Variants in DDX1 observed in about 807,000 individuals in gnomAD.
DDX1 encodes the protein DEAD-box helicase 1, also known as ATP-dependent RNA helicase DDX1.
A neutral mutation model predicts 108.7 loss-of-function variants in DDX1; 28 were observed. The ratio of observed to expected loss-of-function variants is 0.26; its 90% confidence interval spans 0.19 to 0.35. DDX1 has a LOEUF of 0.35. Among genes scored for constraint, DDX1 ranks in the 10% least tolerant of loss-of-function variants. The pLI is 1.00. For missense variants in DDX1, 710 were observed against 884.5 expected, an observed-to-expected ratio of 0.80 and a Z score of 2.50; for synonymous variants, 295 against 288.9, an observed-to-expected ratio of 1.02 and a Z score of -0.21.
chr2:15,612,787 T>G (rs1665798281), intron 13 of DDX1, among the ~76,000 whole-genome samples: 2 of 152,208 alleles, frequency 1.3e-5, no homozygotes, highest in South Asian at 4.1e-4. Flanking sequence ...GGCGGATCAC[T>G]CGCGGTTAGG....
chr2:15,615,460 C>T lies in DDX1; in HGVS notation c.1018-1784C>T, dbSNP rs79990123. 7.3e-3 allele frequency among the ~76,000 whole-genome samples: 1,107 copies of T among 152,332 alleles called. 14 individuals carry two copies. The highest frequency in any genetic ancestry group is 0.025 in the African/African-American group (1,057 of 41,566). On this transcript the variant is annotated intron_variant, in intron 14 of 25. Coordinates refer to ENST00000233084, the MANE Select transcript of DDX1 (RefSeq NM_004939.3). ...ATTTTGTTCACTGCTGTGTACAGCA[C>T]CTGTCTCAGTGTTTGGCACATAGTA...
At position 15,598,273 on chromosome 2, in the gene DDX1, T is replaced by TGTATAATGTATAATGTAGAATTTA. The variant is rs1665533257; in HGVS notation, c.259+802_259+803insGTATAATGTATAATGTAGAATTTA. Among the ~76,000 whole-genome samples, 3 of 152,186 alleles carry TGTATAATGTATAATGTAGAATTTA rather than the reference T, an allele frequency of 2.0e-5. 1 individual carries two copies. In the South Asian group the frequency reaches 6.2e-4, roughly 32 times the overall value. ...TATACATAAAATGTATAATGTAGAATCTGTGAACTCATGTAAATTAGAGAT... is the reference window on the plus strand; with the variant it reads ...TATACATAAAATGTATAATGTAGAATGTATAATGTATAATGTAGAATTTACTGTGAACTCATGTAAATTAGAGAT... On this transcript the variant is annotated intron_variant, in intron 5 of 25. Transcript: ENST00000233084.
chr2:15,596,795 A>G (rs369939381), intron 4 of DDX1, 32 bp downstream of exon 4: 267 of 1,553,584 alleles, frequency 1.7e-4, no homozygotes, highest in Non-Finnish European at 7.3e-5. Flanking sequence ...CTTTCTCTCT[A>G]AAAGTTGAAT....
chr2:15,599,519 G>T, intron 5 of DDX1, 150 bp from the exon 6 acceptor site: 2 of 454,802 alleles, frequency 4.4e-6, no homozygotes, highest in South Asian at 4.3e-5. Context: ...CACCACGTTG[G>T]CCAGGCTGGT....
At chr2:15,618,051 C>T in intron 15 of DDX1, 130 bp from the exon 16 acceptor site, 2 of 473,660 alleles carry the variant, frequency 4.2e-6, no homozygotes, top group Middle Eastern at 5.9e-4. Context: ...AAATATAGGA[C>T]TATGTATATG....
At chr2:15,611,566 ACCCCCCGACCTCCCTCCCGGACGGGGCGG>A in intron 13 of DDX1, among the ~76,000 whole-genome samples, 1 of 118,228 alleles carries the variant, frequency 8.5e-6, no homozygotes, top group African/African-American at 3.5e-5. Context: ...CGGGGGGCTG[ACCCCCCGACCTCCCTCCCGGACGGGGCGG>A]CTGGCCGGGC....
chr2:15,611,897 G>T (rs1204470879), intron 13 of DDX1, among the ~76,000 whole-genome samples: 1 of 43,360 alleles, frequency 2.3e-5, no homozygotes, highest in Admixed American at 2.2e-4. Flanking sequence ...CGGACGGGGC[G>T]GCTGGCCGGG....
chr2:15,616,157 C>T (rs1359845456), intron 14 of DDX1, among the ~76,000 whole-genome samples: 1 of 152,070 alleles, frequency 6.6e-6, no homozygotes, highest in Non-Finnish European at 1.5e-5. Flanking sequence ...AGGCAATCTG[C>T]CTGCCTCGGC....
At chr2:15,621,778 G>A (rs932117033) in intron 18 of DDX1, among the ~76,000 whole-genome samples, 4 of 151,228 alleles carry the variant, frequency 2.6e-5, no homozygotes, top group East Asian at 3.9e-4. Context: ...TCAGCCTCCC[G>A]GGTAGCTGGG....
intron 24 of DDX1, 113 bp from the exon 25 acceptor site, chr2:15,629,877 C>G (rs1277845803): frequency 8.6e-7 from 1 of 1,160,058 alleles, no homozygotes; most frequent in East Asian, 2.5e-5. Flanking sequence ...CTTCAGAAAT[C>G]TGACTTCCAT....
Position 15,630,795 on chromosome 2 carries a change from T to C in DDX1, c.2112T>C (p.His704=). ...ATGCAGGTGGAAGCTATAAAGGCCA[T>C]GTGGATATTTTGGCACCTACTGTTC... ...RAAGGGSYKG[H]VDILAPTVQE... is the part of the protein sequence containing the mutation. Residue 704 remains histidine, a synonymous_variant, in exon 26 of 26, where the codon CAT becomes CAC. Coordinates refer to ENST00000233084, the MANE Select transcript of DDX1 (RefSeq NM_004939.3). 9.3e-6 allele frequency: 15 copies of C among 1,613,926 alleles called. No individual in the cohort carries two copies. Among genetic ancestry groups the C allele is most frequent in the Middle Eastern group, 1.6e-4 (1 of 6,062 alleles).
Position 15,630,424 on chromosome 2 carries a change from C to T in DDX1, c.2092+314C>T, listed in dbSNP as rs114891179. ...TAATAGGTGATTTTGAACAAGGAAT[C>T]AGAAGCCTTTGACTTAACTCAGGTG... On this transcript the variant is annotated intron_variant, in intron 25 of 25. Transcript: ENST00000233084. Among the ~76,000 whole-genome samples the T allele has an allele frequency of 5.9e-3, 905 of 152,248 alleles. 7 individuals are homozygous for T. The highest frequency in any genetic ancestry group is 0.019 in the African/African-American group (783 of 41,540).
At position 15,627,097 on chromosome 2, in the gene DDX1, T is replaced by C; in HGVS notation, c.1638T>C (p.His546=). 1.9e-6 allele frequency: 3 copies of C among 1,612,306 alleles called. No homozygotes were observed. The change falls in exon 20 of 26, where the codon CAT becomes CAC. Residue 546 remains histidine (H), a synonymous_variant. Coordinates refer to ENST00000233084, the MANE Select transcript of DDX1 (RefSeq NM_004939.3). Reference sequence around the variant, plus strand: ...ACCAGTTCTCATGTGTTTGTCTTCATGGTGACAGAAAGCCTCATGAGAGAA... The same window carrying C: ...ACCAGTTCTCATGTGTTTGTCTTCACGGTGACAGAAAGCCTCATGAGAGAA... ...KGHQFSCVCL[H]GDRKPHERKQ... is the part of the protein sequence containing the mutation.
chr2:15,597,071 A>G (rs1665512729), intron 4 of DDX1, among the ~76,000 whole-genome samples: 1 of 152,188 alleles, frequency 6.6e-6, no homozygotes, highest in African/African-American at 2.4e-5. Flanking sequence ...TTGATCTCCT[A>G]CTGGCCTGGA....
chr2:15,601,764 G>T (rs894183451), intron 6 of DDX1, among the ~76,000 whole-genome samples: 1 of 152,226 alleles, frequency 6.6e-6, no homozygotes, highest in Non-Finnish European at 1.5e-5. Context: ...AGTGTAGGAA[G>T]ATGTGTGTTG....
intron 9 of DDX1, 52 bp downstream of exon 9, chr2:15,603,942 A>T (rs749992701): frequency 8.6e-7 from 1 of 1,162,730 alleles, no homozygotes; most frequent in East Asian, 2.4e-5. Flanking sequence ...TTTCTTGCAT[A>T]CTTAATCACT....
chr2:15,622,997 A>G (rs1273636683), intron 18 of DDX1, among the ~76,000 whole-genome samples: 1 of 152,208 alleles, frequency 6.6e-6, no homozygotes, highest in African/African-American at 2.4e-5. Flanking sequence ...ATTTAGATTG[A>G]TTTAGAAAGT....
rs1462925228 is a variant in DDX1 at position 15,630,980 on chromosome 2, T to A, written c.*74T>A. The A allele has an allele frequency of 7.0e-7, 1 of 1,434,032 alleles. No individual in the cohort carries two copies. The highest frequency in any genetic ancestry group is 9.7e-7 in the Non-Finnish European group (1 of 1,033,868). The allele number at this position is 1,434,032 out of a possible 1,614,324, so 88.8% of individuals were successfully genotyped here. Reference sequence around the variant, plus strand: ...AAAACTCTAAAACAGTTGTACTGCTTCCAAGCAGCAGTATTTATAGTAACG... The same window carrying A: ...AAAACTCTAAAACAGTTGTACTGCTACCAAGCAGCAGTATTTATAGTAACG... On this transcript the variant is annotated 3_prime_UTR_variant, in exon 26 of 26. Coordinates refer to ENST00000233084, the MANE Select transcript of DDX1 (RefSeq NM_004939.3).
At chr2:15,617,374 A>AG in intron 15 of DDX1, 32 bp downstream of exon 15, 1 of 1,340,410 alleles carries the variant, frequency 7.5e-7, no homozygotes, top group Non-Finnish European at 1.0e-6. Flanking sequence ...CTTTTTAAAA[A>AG]GTTTACTTAT....
Sources: allele counts gnomAD v4.1 joint callset (sites outside exome capture counted in the v4.1 genomes callset), GRCh38; gene constraint gnomAD v4.1.1; transcripts MANE v1.5; gene names NCBI Gene and HGNC (gene_info 2026-07-23, HGNC 2026-07-21).